Variants in RIC1 observed in about 807,000 individuals in gnomAD.
RIC1 encodes guanine nucleotide exchange factor subunit RIC1.
Under a neutral mutation model 169.0 loss-of-function variants are expected in RIC1, and 88 were observed. That is an observed-to-expected ratio of 0.52 (90% CI 0.44 to 0.62). The LOEUF (loss-of-function observed/expected upper bound fraction) is 0.62. RIC1 is among the 20% of genes least tolerant of loss of function. The pLI is 0.00. For missense variants in RIC1, 1,877 were observed against 1,725.5 expected, an observed-to-expected ratio of 1.09 and a Z score of -1.56; for synonymous variants, 790 against 601.5, an observed-to-expected ratio of 1.31 and a Z score of -4.59.
chr9:5,635,865 G>C (rs1470878110), intron 1 of RIC1, among the ~76,000 whole-genome samples: 1 of 152,160 alleles, frequency 6.6e-6, no homozygotes, highest in Non-Finnish European at 1.5e-5. Context: ...TGCCATGATT[G>C]TAAGTTTCCT....
chr9:5,692,660 C>T (rs1220846693), intron 3 of RIC1, among the ~76,000 whole-genome samples: 4 of 151,916 alleles, frequency 2.6e-5, no homozygotes, highest in Admixed American at 2.0e-4. Context: ...TTCTGCAGAA[C>T]CCATTTGTAC....
chr9:5,661,483 A>G (rs950859041), intron 2 of RIC1, among the ~76,000 whole-genome samples: 3 of 152,034 alleles, frequency 2.0e-5, no homozygotes, highest in Non-Finnish European at 4.4e-5. Context: ...ATGTTTTTCC[A>G]TTTGTTCGTG....
chr9:5,687,481 G>C (rs1051746009), intron 2 of RIC1, among the ~76,000 whole-genome samples: 9 of 152,004 alleles, frequency 5.9e-5, no homozygotes, highest in African/African-American at 1.9e-4. Context: ...AGTATTTTAA[G>C]GCTGTAAATT....
chr9:5,758,784 C>T (rs1042267328), intron 17 of RIC1, among the ~76,000 whole-genome samples: 12 of 117,400 alleles, frequency 1.0e-4, no homozygotes, highest in Admixed American at 2.4e-4. Context: ...CTCACTCTAT[C>T]GCCAGGCTGG....
chr9:5,638,635 TA>T (rs1420123865), intron 1 of RIC1, among the ~76,000 whole-genome samples: 1 of 152,220 alleles, frequency 6.6e-6, no homozygotes, highest in East Asian at 1.9e-4. Context: ...TAGTTGCTCA[TA>T]GTAGTTTGTG....
At chr9:5,683,908 A>G (rs1014173590) in intron 2 of RIC1, among the ~76,000 whole-genome samples, 4 of 152,124 alleles carry the variant, frequency 2.6e-5, no homozygotes, top group South Asian at 2.1e-4. Flanking sequence ...TGTGCTAGCA[A>G]TGAGCGAGGC....
At chr9:5,759,156 C>T (rs895104573) in intron 17 of RIC1, among the ~76,000 whole-genome samples, 1 of 152,114 alleles carries the variant, frequency 6.6e-6, no homozygotes, top group African/African-American at 2.4e-5. Flanking sequence ...AGGGAATATA[C>T]TGTTTTACAG....
intron 1 of RIC1, among the ~76,000 whole-genome samples, chr9:5,640,486 G>A (rs1818186102): frequency 6.6e-6 from 1 of 152,052 alleles, no homozygotes; most frequent in African/African-American, 2.4e-5. Context: ...TTGAAAAGTT[G>A]TCGTTATTCT....
Position 5,765,302 on chromosome 9 carries a change from C to T in RIC1, c.2842-112C>T. Reference sequence around the variant, plus strand: ...TTTTAATCTTATTATTAAACTAACCCCTGTGGTGGTGTGGCTACATTCTTT... The same window carrying T: ...TTTTAATCTTATTATTAAACTAACCTCTGTGGTGGTGTGGCTACATTCTTT... On this transcript the variant is annotated intron_variant, in intron 19 of 25. Transcript: ENST00000414202. 3 of 1,110,112 alleles carry T rather than the reference C, an allele frequency of 2.7e-6. No individual in the cohort carries two copies. The East Asian group carries it at 7.3e-5, about 27-fold the overall frequency. The allele number at this position is 1,110,112 out of a possible 1,614,324, so 68.8% of individuals were successfully genotyped here.
chr9:5,761,425 C>T (rs1486315630), intron 17 of RIC1, among the ~76,000 whole-genome samples: 1 of 152,070 alleles, frequency 6.6e-6, no homozygotes, highest in African/African-American at 2.4e-5. Context: ...GGCCCAGCCT[C>T]ACCTTTAAGC....
intron 1 of RIC1, among the ~76,000 whole-genome samples, chr9:5,649,492 A>T (rs946100874): frequency 6.6e-6 from 1 of 151,982 alleles, no homozygotes. Flanking sequence ...TTTTTATTCC[A>T]CTTAGTGAAT....
At chr9:5,662,244 GA>G (rs1236316023) in intron 2 of RIC1, among the ~76,000 whole-genome samples, 1 of 152,058 alleles carries the variant, frequency 6.6e-6, no homozygotes, top group East Asian at 1.9e-4. Flanking sequence ...ATTTTGTTGA[GA>G]ATTTTTGCAT....
At chr9:5,749,702 C>G (rs1438466490) in intron 12 of RIC1, among the ~76,000 whole-genome samples, 1 of 139,370 alleles carries the variant, frequency 7.2e-6, no homozygotes, top group African/African-American at 2.6e-5. Context: ...TTTTCTTTAA[C>G]TAAAACAAAA....
intron 1 of RIC1, among the ~76,000 whole-genome samples, chr9:5,648,270 C>T (rs914393155): frequency 2.6e-5 from 4 of 152,154 alleles, no homozygotes; most frequent in Non-Finnish European, 5.9e-5. Context: ...AGCTGTGAGC[C>T]ATCATGCCTA....
intron 3 of RIC1, among the ~76,000 whole-genome samples, chr9:5,707,232 G>A (rs571799763): frequency 1.3e-5 from 2 of 151,972 alleles, no homozygotes; most frequent in East Asian, 3.9e-4. Flanking sequence ...ATTCCATTTG[G>A]TTAGAGAAGA....
At chr9:5,762,696 AAGAAGGT>A in intron 18 of RIC1, 36 bp downstream of exon 18, 1 of 1,605,030 alleles carries the variant, frequency 6.2e-7, no homozygotes, top group Non-Finnish European at 8.5e-7. Context: ...TTCAAACATT[AAGAAGGT>A]ATGGGATGAG....
At chr9:5,698,907 G>A (rs544278783) in intron 3 of RIC1, among the ~76,000 whole-genome samples, 1 of 152,292 alleles carries the variant, frequency 6.6e-6, no homozygotes, top group South Asian at 2.1e-4. Context: ...CGAGGTTTTA[G>A]AGTGAACTAG....
intron 22 of RIC1, chr9:5,769,537 T>C: frequency 1.8e-6 from 2 of 1,098,902 alleles, no homozygotes; most frequent in East Asian, 2.9e-5. Context: ...ATATAAAAGC[T>C]ACCATGCTTA....
intron 2 of RIC1, among the ~76,000 whole-genome samples, chr9:5,684,274 A>ACCACC (rs1563897790): frequency 1.3e-4 from 1 of 7,630 alleles, no homozygotes; most frequent in African/African-American, 2.9e-4. Context: ...TCTTGGCTCC[A>ACCACC]CCCCCCCCCC....
Sources: gnomAD v4.1 joint callset for allele counts (sites outside exome capture counted in the v4.1 genomes callset) on GRCh38, gnomAD v4.1.1 for gene constraint, MANE v1.5 for transcripts, NCBI Gene and HGNC (gene_info 2026-07-23, HGNC 2026-07-21) for gene names.